CTNNA3: variants seen among roughly 807,000 people sequenced by gnomAD.
CTNNA3 encodes catenin alpha-3.
A neutral mutation model predicts 95.7 loss-of-function variants in CTNNA3; 76 were observed. The observed-to-expected ratio is 0.79, with a 90% confidence interval of 0.66 to 0.96. The LOEUF is 0.96. Among genes scored for constraint, CTNNA3 ranks in the 40% least tolerant of loss-of-function variants. The pLI is 0.00. For synonymous variants in CTNNA3, 431 were observed against 374.4 expected (o/e 1.15, Z -1.74); for missense variants, 1,191 against 1,089.8 (o/e 1.09, Z -1.31).
intron 9 of CTNNA3, among the ~76,000 whole-genome samples, chr10:66,666,969 A>C (rs546872627): frequency 5.7e-4 from 87 of 152,254 alleles, no homozygotes; most frequent in African/African-American, 1.9e-3. Flanking sequence ...TTTTTTTAAA[A>C]AAAGGCTGTG....
intron 13 of CTNNA3, among the ~76,000 whole-genome samples, chr10:66,199,790 T>C (rs1255302806): frequency 2.7e-4 from 4 of 14,750 alleles, no homozygotes; most frequent in Non-Finnish European, 5.7e-4. Flanking sequence ...TATATATATA[T>C]ATATATATAT....
intron 13 of CTNNA3, among the ~76,000 whole-genome samples, chr10:66,257,193 A>G (rs2132088085): frequency 6.6e-6 from 1 of 152,306 alleles, no homozygotes; most frequent in East Asian, 1.9e-4. Flanking sequence ...TATCTTTTCC[A>G]TCTCTATGGA....
intron 7 of CTNNA3, among the ~76,000 whole-genome samples, chr10:66,821,800 C>A (rs546137181): frequency 6.6e-6 from 1 of 152,128 alleles, no homozygotes; most frequent in Non-Finnish European, 1.5e-5. Context: ...GTCTTTGCAA[C>A]GGTTTCCACA....
chr10:66,941,612 A>C (rs1240064576), intron 7 of CTNNA3, among the ~76,000 whole-genome samples: 3 of 152,204 alleles, frequency 2.0e-5, no homozygotes, highest in African/African-American at 4.8e-5. Flanking sequence ...TTTGTCAAAT[A>C]AACTGCAGAA....
intron 5 of CTNNA3, among the ~76,000 whole-genome samples, chr10:67,462,861 T>G (rs931080870): frequency 5.3e-5 from 8 of 152,176 alleles, no homozygotes; most frequent in Non-Finnish European, 1.2e-4. Flanking sequence ...GAGAAAATAA[T>G]TTTTAAAATT....
At position 67,483,345 on chromosome 10, in the gene CTNNA3, T is replaced by G. The variant is rs1163372663; in HGVS notation, c.579+38497A>C. ...ATGTTTATTGCGGCACTCTTCACAA[T>G]AGCAAAGACTTGGAACCAACCCAAA... On this transcript the variant is annotated intron_variant, in intron 5 of 17. Coordinates refer to ENST00000433211, the MANE Select transcript of CTNNA3 (RefSeq NM_013266.4). 1.1e-4 allele frequency among the ~76,000 whole-genome samples: 16 copies of G among 142,704 alleles called. 3 individuals carry two copies. The East Asian group carries it at 2.1e-3, about 18-fold the overall frequency. The allele number at this position is 142,704 out of a possible 152,430, so 93.6% of individuals were successfully genotyped here.
intron 5 of CTNNA3, among the ~76,000 whole-genome samples, chr10:67,347,034 C>T (rs1013461426): frequency 6.6e-6 from 1 of 151,346 alleles, no homozygotes; most frequent in African/African-American, 2.4e-5. Context: ...TTATCTAATT[C>T]TTGATCTACT....
intron 13 of CTNNA3, among the ~76,000 whole-genome samples, chr10:66,248,717 C>G (rs2090436753): frequency 6.6e-6 from 1 of 151,992 alleles, no homozygotes; most frequent in South Asian, 2.1e-4. Flanking sequence ...TTTATATGTA[C>G]CAAACACTGG....
intron 12 of CTNNA3, among the ~76,000 whole-genome samples, chr10:66,373,943 T>C (rs1228432294): frequency 6.6e-6 from 1 of 152,228 alleles, no homozygotes; most frequent in Admixed American, 6.5e-5. Context: ...ATGAATCACT[T>C]TCTTAATCTT....
chr10:67,241,311 T>C (rs1350084764), intron 5 of CTNNA3, among the ~76,000 whole-genome samples: 1 of 151,948 alleles, frequency 6.6e-6, no homozygotes, highest in Non-Finnish European at 1.5e-5. Context: ...TAATCCCAGC[T>C]ACTCGGGAGG....
At chr10:66,607,675 T>C (rs1844178314) in intron 10 of CTNNA3, among the ~76,000 whole-genome samples, 1 of 152,020 alleles carries the variant, frequency 6.6e-6, no homozygotes, top group Non-Finnish European at 1.5e-5. Context: ...ATTTATCATA[T>C]AAGCAAATTA....
chr10:66,124,449 C>T (rs1010511654), intron 13 of CTNNA3, among the ~76,000 whole-genome samples: 6 of 152,180 alleles, frequency 3.9e-5, no homozygotes, highest in African/African-American at 1.2e-4. Context: ...TCCACACTTT[C>T]CTGTCTTCTT....
chr10:67,400,516 G>C (rs1291810474), intron 5 of CTNNA3, among the ~76,000 whole-genome samples: 1 of 152,060 alleles, frequency 6.6e-6, no homozygotes, highest in Admixed American at 6.6e-5. Flanking sequence ...ATTCACTCTG[G>C]AATAAATACT....
intron 3 of CTNNA3, among the ~76,000 whole-genome samples, chr10:67,570,159 G>C (rs556587631): frequency 1.3e-5 from 2 of 151,710 alleles, no homozygotes; most frequent in African/African-American, 4.8e-5. Flanking sequence ...TGCTGCATTC[G>C]ACATTTATTT....
intron 1 of CTNNA3, among the ~76,000 whole-genome samples, chr10:67,675,278 T>TA (rs530332031): frequency 2.2e-4 from 34 of 152,080 alleles, no homozygotes; most frequent in African/African-American, 7.5e-4. Context: ...TAACACCATA[T>TA]AAAAAAAACT....
intron 1 of CTNNA3, among the ~76,000 whole-genome samples, chr10:67,649,586 T>A (rs1431694123): frequency 6.6e-6 from 1 of 152,234 alleles, no homozygotes; most frequent in Non-Finnish European, 1.5e-5. Flanking sequence ...CTTGGCTTCA[T>A]ATAATTATTA....
chr10:67,093,799 C>T (rs143770838), intron 7 of CTNNA3, among the ~76,000 whole-genome samples: 1 of 151,978 alleles, frequency 6.6e-6, no homozygotes, highest in Non-Finnish European at 1.5e-5. Flanking sequence ...TTATTTGAAA[C>T]ATAAATAGGT....
chr10:66,556,282 G>A (rs1842386475), intron 10 of CTNNA3, among the ~76,000 whole-genome samples: 1 of 151,966 alleles, frequency 6.6e-6, no homozygotes, highest in African/African-American at 2.4e-5. Context: ...AATCAGTATA[G>A]CCATTATGGA....
At chr10:67,249,188 A>G (rs1866014335) in intron 5 of CTNNA3, among the ~76,000 whole-genome samples, 2 of 152,320 alleles carry the variant, frequency 1.3e-5, no homozygotes, top group South Asian at 4.1e-4. Flanking sequence ...TGCAAATTAT[A>G]TATATGATGT....
Sources: allele counts gnomAD v4.1 joint callset (sites outside exome capture counted in the v4.1 genomes callset), GRCh38; gene constraint gnomAD v4.1.1; transcripts MANE v1.5; gene names NCBI Gene and HGNC (gene_info 2026-07-23, HGNC 2026-07-21).